Variants in NRG1 observed in about 807,000 individuals in gnomAD.
The protein encoded by NRG1 is neuregulin 1.
Under a neutral mutation model 63.8 loss-of-function variants are expected in NRG1, and 18 were observed. The observed-to-expected ratio is 0.28, with a 90% CI of 0.19 to 0.42. The LOEUF (loss-of-function observed/expected upper bound fraction) is 0.42. Among genes scored for constraint, NRG1 ranks in the 10% least tolerant of loss-of-function variants. NRG1 has a pLI of 1.00. For missense variants in NRG1, 762 were observed against 814.7 expected (o/e 0.94, Z 0.79); for synonymous variants, 302 against 301.3 (o/e 1.00, Z -0.02).
intron 1 of NRG1, among the ~76,000 whole-genome samples, chr8:32,355,069 G>A (rs186246549): frequency 1.1e-3 from 160 of 152,096 alleles, no homozygotes; most frequent in African/African-American, 3.4e-3. Context: ...TTTTCCAAGC[G>A]TAAATACAAA....
intron 1 of NRG1, among the ~76,000 whole-genome samples, chr8:32,201,431 A>G (rs1430061901): frequency 2.0e-5 from 3 of 152,238 alleles, no homozygotes; most frequent in South Asian, 2.1e-4. Context: ...CATTTAAAGC[A>G]GTTACCTTTT....
intron 1 of NRG1, among the ~76,000 whole-genome samples, chr8:31,975,204 C>A (rs1807964645): frequency 6.6e-6 from 1 of 152,170 alleles, no homozygotes; most frequent in Admixed American, 6.5e-5. Flanking sequence ...ATCATCCCCA[C>A]TTCAGAAAGA....
intron 1 of NRG1, among the ~76,000 whole-genome samples, chr8:31,976,623 T>A (rs1310964147): frequency 6.6e-6 from 1 of 152,142 alleles, no homozygotes; most frequent in Non-Finnish European, 1.5e-5. Flanking sequence ...GTTTTCACTT[T>A]GTGAGATTGC....
At chr8:32,760,824 G>T (rs1354408741) in intron 11 of NRG1, 2 of 1,016,036 alleles carry the variant, frequency 2.0e-6, no homozygotes, top group South Asian at 4.0e-5. Context: ...AGCTGGCCTC[G>T]TGTTCTTATC....
chr8:32,167,884 ACAGCTAAAAT>A (rs1839567445), intron 1 of NRG1, among the ~76,000 whole-genome samples: 1 of 152,218 alleles, frequency 6.6e-6, no homozygotes, highest in African/African-American at 2.4e-5. Flanking sequence ...TCTTTTTGAA[ACAGCTAAAAT>A]CAGCAAGGGA....
chr8:31,954,547 T>C (rs563960523), intron 1 of NRG1, among the ~76,000 whole-genome samples: 1 of 152,228 alleles, frequency 6.6e-6, no homozygotes, highest in Non-Finnish European at 1.5e-5. Context: ...ATTGTCTGTA[T>C]AGCATGGTTA....
At chr8:32,534,044 A>G (rs1215134130) in intron 1 of NRG1, among the ~76,000 whole-genome samples, 5 of 152,106 alleles carry the variant, frequency 3.3e-5, no homozygotes, top group African/African-American at 1.2e-4. Flanking sequence ...GTGAGCAAAT[A>G]GATGTCATAC....
intron 1 of NRG1, among the ~76,000 whole-genome samples, chr8:31,985,694 G>A (rs1168653449): frequency 1.3e-5 from 2 of 152,118 alleles, no homozygotes; most frequent in Non-Finnish European, 2.9e-5. Context: ...ATGATATGTA[G>A]TTAGTTTTGT....
intron 1 of NRG1, among the ~76,000 whole-genome samples, chr8:31,786,539 C>T (rs933201101): frequency 4.6e-5 from 7 of 152,178 alleles, no homozygotes; most frequent in Non-Finnish European, 8.8e-5. Context: ...ACTGTTTCCT[C>T]CCCTCACTGC....
chr8:31,956,296 T>C (rs965330652), intron 1 of NRG1, among the ~76,000 whole-genome samples: 1 of 151,990 alleles, frequency 6.6e-6, no homozygotes, highest in Non-Finnish European at 1.5e-5. Context: ...AGGGTGACTT[T>C]GTAAGTGGGA....
At chr8:32,281,195 T>TTTTTTTTTTTTTTTTTTTG (rs1852790731) in intron 1 of NRG1, among the ~76,000 whole-genome samples, 1 of 142,006 alleles carries the variant, frequency 7.0e-6, no homozygotes, top group African/African-American at 2.7e-5. Flanking sequence ...TTTTTTTTTT[T>TTTTTTTTTTTTTTTTTTTG]GAGACAGAAT....
chr8:32,015,988 T>C (rs888143763), intron 1 of NRG1, among the ~76,000 whole-genome samples: 3 of 152,334 alleles, frequency 2.0e-5, no homozygotes, highest in Non-Finnish European at 1.5e-5. Context: ...AATTCTGTAT[T>C]TGACATTGTA....
intron 1 of NRG1, among the ~76,000 whole-genome samples, chr8:32,154,270 C>G (rs983376022): frequency 1.3e-5 from 2 of 152,098 alleles, no homozygotes; most frequent in Non-Finnish European, 2.9e-5. Context: ...TTCCTCCTCC[C>G]CTTCCCCTTT....
chr8:32,103,513 T>C (rs1180942449), intron 1 of NRG1, among the ~76,000 whole-genome samples: 4 of 152,246 alleles, frequency 2.6e-5, no homozygotes, highest in Non-Finnish European at 5.9e-5. Flanking sequence ...AGGTATCTCT[T>C]TGACATGCTG....
intron 1 of NRG1, among the ~76,000 whole-genome samples, chr8:32,193,582 C>T (rs1237697340): frequency 6.6e-6 from 1 of 152,248 alleles, no homozygotes; most frequent in East Asian, 1.9e-4. Context: ...GATTGCAGAA[C>T]AAATTCTGGC....
chr8:31,859,099 C>G (rs1250247478), intron 1 of NRG1, among the ~76,000 whole-genome samples: 1 of 152,130 alleles, frequency 6.6e-6, no homozygotes, highest in Non-Finnish European at 1.5e-5. Flanking sequence ...GTGTTTGACC[C>G]TAGTTATAAA....
At chr8:32,201,104 G>A (rs925181310) in intron 1 of NRG1, among the ~76,000 whole-genome samples, 2 of 152,156 alleles carry the variant, frequency 1.3e-5, no homozygotes, top group East Asian at 1.9e-4. Context: ...TGGCACCCAA[G>A]TTCAGGCAGT....
intron 1 of NRG1, among the ~76,000 whole-genome samples, chr8:32,201,857 A>C (rs1013508119): frequency 5.9e-5 from 9 of 152,222 alleles, no homozygotes; most frequent in African/African-American, 2.2e-4. Context: ...CATCAGTTGA[A>C]GGGACCTCAA....
At chr8:32,220,024 A>T (rs1276292441) in intron 1 of NRG1, among the ~76,000 whole-genome samples, 1 of 152,156 alleles carries the variant, frequency 6.6e-6, no homozygotes, top group East Asian at 1.9e-4. Flanking sequence ...ATGAAGGGCA[A>T]TTCTGGAAGA....
Sources: gnomAD v4.1 joint callset for allele counts (sites outside exome capture counted in the v4.1 genomes callset) on GRCh38, gnomAD v4.1.1 for gene constraint, MANE v1.5 for transcripts, NCBI Gene and HGNC (gene_info 2026-07-23, HGNC 2026-07-21) for gene names.